The following SCGB2B2 variants were observed in gnomAD, a reference collection of about 807,000 sequenced individuals.
The protein encoded by SCGB2B2 is secretoglobin-like protein.
In SCGB2B2, 11 loss-of-function variants were observed where a neutral mutation model predicts 7.6. That is an observed-to-expected ratio of 1.45 (90% CI 0.91 to 2.40). The LOEUF (loss-of-function observed/expected upper bound fraction) is 2.40, where lower values mean the gene tolerates loss of function less well. Among genes scored for constraint, SCGB2B2 ranks in the 30% most tolerant of loss-of-function variants. The pLI, the probability that SCGB2B2 is intolerant of heterozygous loss-of-function variation, is 0.00. For synonymous variants in SCGB2B2, 50 were observed against 48.6 expected (o/e 1.03, Z -0.12); for missense variants, 104 against 115.4 (o/e 0.90, Z 0.45).
Position 34,594,198 on chromosome 19 carries a change from T to C in SCGB2B2, c.223A>G (p.Arg75Gly). ...QCFANVSVTE[R>G]FAHSVVIKKI... ...ACAATAACAACTGAATGAGCAAATC[T>C]TTCTGTCACGGAGACATTGGCAAAG... is the stretch of plus-strand genomic sequence containing the variant. The change falls in exon 3 of 4, where the codon AGA becomes GGA. Residue 75 changes from arginine (R) to glycine (G), a missense_variant. Transcript: ENST00000601241. 5 of 1,614,116 alleles carry C rather than the reference T, an allele frequency of 3.1e-6. No homozygotes were observed. The highest frequency in any genetic ancestry group is 4.2e-6 in the Non-Finnish European group (5 of 1,179,982).
intron 1 of SCGB2B2, among the ~76,000 whole-genome samples, chr19:34,630,450 G>A (rs187336146): frequency 1.4e-4 from 22 of 151,968 alleles, no homozygotes; most frequent in Admixed American, 7.2e-4. Flanking sequence ...ACAAGTGGGC[G>A]AAGGATATGA....
At position 34,594,674 on chromosome 19, in the gene SCGB2B2, T is replaced by C; in HGVS notation, c.-111A>G. 1.4e-6 allele frequency: 1 copy of C among 730,326 alleles called. No individual in the cohort carries two copies. The highest frequency in any genetic ancestry group is 2.4e-6 in the Non-Finnish European group (1 of 413,034). The allele number at this position is 730,326 out of a possible 1,614,324, so 45.2% of individuals were successfully genotyped here. A position where few individuals can be genotyped will look rare whatever the true frequency, so the allele number is the denominator to read the frequency against. The stretch of plus-strand genomic sequence containing the variant: ...CTTCGTGTGTGTGTGTGTGTGTGTG[T>C]GTGTGTGTGTGTGTGTGTGTGTGTG... On this transcript the variant is annotated 5_prime_UTR_variant, in exon 2 of 4. Coordinates refer to ENST00000601241, the MANE Select transcript of SCGB2B2 (RefSeq NM_001025591.4).
intron 1 of SCGB2B2, among the ~76,000 whole-genome samples, chr19:34,606,964 G>T (rs1484033443): frequency 6.6e-6 from 1 of 152,202 alleles, no homozygotes; most frequent in African/African-American, 2.4e-5. Flanking sequence ...CCACCACGCT[G>T]TCCATTAGAT....
At chr19:34,659,798 C>T (rs112026424) in intron 1 of SCGB2B2, among the ~76,000 whole-genome samples, 1 of 151,992 alleles carries the variant, frequency 6.6e-6, no homozygotes, top group African/African-American at 2.4e-5. Flanking sequence ...CTTTAAAGTT[C>T]ATATGGAACA....
intron 1 of SCGB2B2, among the ~76,000 whole-genome samples, chr19:34,648,126 G>T (rs55946157): frequency 0.11 from 16,822 of 152,216 alleles, 977 homozygotes; most frequent in East Asian, 0.22. Context: ...CACTGGCCTG[G>T]ATAAGTTTCC....
intron 1 of SCGB2B2, among the ~76,000 whole-genome samples, chr19:34,666,064 C>G (rs1322317491): frequency 6.6e-6 from 1 of 152,134 alleles, no homozygotes; most frequent in East Asian, 1.9e-4. Context: ...CCCAGCCTCT[C>G]TCCCCAGGAC....
chr19:34,676,834 A>G lies in SCGB2B2; in HGVS notation c.-3236T>C, dbSNP rs192105339. 2.0e-5 allele frequency: 3 copies of G among 152,294 alleles called. No homozygotes were observed. The highest frequency in any genetic ancestry group is 2.0e-4 in the Admixed American group (3 of 15,306). The allele number at this position is 152,294 out of a possible 1,614,324, so 9.4% of individuals were successfully genotyped here. On this transcript the variant is annotated 5_prime_UTR_variant, in exon 1 of 4. Coordinates refer to ENST00000601241, the MANE Select transcript of SCGB2B2 (RefSeq NM_001025591.4). ...GTAAACAACCCAAATATACACAAAC[A>G]GTAGACTGCTCTGGCTTGCATACAG...
At chr19:34,630,489 T>G (rs2066498799) in intron 1 of SCGB2B2, among the ~76,000 whole-genome samples, 1 of 152,000 alleles carries the variant, frequency 6.6e-6, no homozygotes, top group African/African-American at 2.4e-5. Context: ...AAGACACTTA[T>G]GCAGCCTAAA....
At chr19:34,588,244 C>T (rs1471564267), downstream of SCGB2B2, among the ~76,000 whole-genome samples, 1 of 152,156 alleles carries the variant, frequency 6.6e-6, no homozygotes, top group Non-Finnish European at 1.5e-5. Flanking sequence ...CTTTTCAGTT[C>T]AATCTTGGAA....
At chr19:34,634,555 G>GC (rs1555747040) in intron 1 of SCGB2B2, among the ~76,000 whole-genome samples, 1 of 5,518 alleles carries the variant, frequency 1.8e-4, no homozygotes, top group Non-Finnish European at 6.3e-4. Flanking sequence ...ACTACACAAA[G>GC]CTACTTTCAG....
chr19:34,615,100 G>C (rs2066034473), intron 1 of SCGB2B2, among the ~76,000 whole-genome samples: 1 of 152,290 alleles, frequency 6.6e-6, no homozygotes, highest in South Asian at 2.1e-4. Context: ...CCTCTGGCAT[G>C]AAGGGGATCT....
intron 1 of SCGB2B2, among the ~76,000 whole-genome samples, chr19:34,603,221 G>T (rs2065680818): frequency 6.6e-6 from 1 of 152,108 alleles, no homozygotes; most frequent in African/African-American, 2.4e-5. Flanking sequence ...TGTTATTGGT[G>T]GGGTGAGAGA....
At chr19:34,609,349 CTTTT>C (rs891502177) in intron 1 of SCGB2B2, among the ~76,000 whole-genome samples, 2 of 151,660 alleles carry the variant, frequency 1.3e-5, no homozygotes. Context: ...TTTATTTTTT[CTTTT>C]TTTGTTTGTG....
intron 1 of SCGB2B2, among the ~76,000 whole-genome samples, chr19:34,650,269 T>C (rs189175373): frequency 6.6e-6 from 1 of 151,208 alleles, no homozygotes; most frequent in East Asian, 1.9e-4. Flanking sequence ...CCTATGGAGA[T>C]TGGGGATCTT....
In SCGB2B2 at chr19:34,671,443, C is replaced by CT. The variant is rs55786074; in HGVS notation, c.-2032+4186dup. 3.9e-4 allele frequency among the ~76,000 whole-genome samples: 58 copies of CT among 149,240 alleles called. 1 individual carries two copies. Among genetic ancestry groups the CT allele is most frequent in the South Asian group, 3.2e-3 (15 of 4,746 alleles). On this transcript the variant is annotated intron_variant, in intron 1 of 3. Coordinates refer to ENST00000601241, the MANE Select transcript of SCGB2B2 (RefSeq NM_001025591.4). The stretch of plus-strand genomic sequence containing the variant: ...ATCGTTTAACTTTATGCATCTTTTT[C>CT]TTTTTTTTTTGCTATTCTAAGTGCT...
chr19:34,649,233 T>C (rs747957138), intron 1 of SCGB2B2, among the ~76,000 whole-genome samples: 4 of 152,176 alleles, frequency 2.6e-5, no homozygotes, highest in African/African-American at 4.8e-5. Context: ...GGACTGACAC[T>C]GTATGTAAAA....
intron 1 of SCGB2B2, among the ~76,000 whole-genome samples, chr19:34,644,066 A>G (rs2066920590): frequency 6.6e-6 from 1 of 152,252 alleles, no homozygotes; most frequent in African/African-American, 2.4e-5. Context: ...GTGATTTATG[A>G]TTTGTGATTA....
rs148758262 is a variant in SCGB2B2 at position 34,649,321 on chromosome 19, G to A, written c.-2032+26309C>T. 3.9e-5 allele frequency among the ~76,000 whole-genome samples: 6 copies of A among 152,250 alleles called. No individual in the cohort carries two copies. In the East Asian group the frequency reaches 1.2e-3, roughly 29 times the overall value. ...GAAGGAAAAAAGAGAGAAATCCTTT[G>A]ACTTCCACGTGCCCATCTCAAGACA... On this transcript the variant is annotated intron_variant, in intron 1 of 3. Coordinates refer to ENST00000601241, the MANE Select transcript of SCGB2B2 (RefSeq NM_001025591.4).
At chr19:34,671,560 T>C (rs1395496267) in intron 1 of SCGB2B2, among the ~76,000 whole-genome samples, 1 of 152,330 alleles carries the variant, frequency 6.6e-6, no homozygotes, top group African/African-American at 2.4e-5. Flanking sequence ...TATATGTTTA[T>C]CAATTTGAGA....
Sources: gnomAD v4.1 joint callset for allele counts (sites outside exome capture counted in the v4.1 genomes callset) on GRCh38, gnomAD v4.1.1 for gene constraint, MANE v1.5 for transcripts, NCBI Gene and HGNC (gene_info 2026-07-23, HGNC 2026-07-21) for gene names.